Variants in SNAPC4 observed in about 807,000 individuals in gnomAD.
SNAPC4 encodes the protein small nuclear RNA activating complex polypeptide 4.
In SNAPC4, 127 loss-of-function variants were observed where a neutral mutation model predicts 151.3. The ratio of observed to expected loss-of-function variants is 0.84; its 90% CI spans 0.73 to 0.97. SNAPC4 has a LOEUF of 0.97. Ranked by LOEUF, SNAPC4 falls within the 50% of genes least tolerant of loss-of-function variation. SNAPC4 has a pLI of 0.00. For synonymous variants in SNAPC4, 1,002 were observed against 824.4 expected, an observed-to-expected ratio of 1.22 and a Z score of -3.69; for missense variants, 2,186 against 1,935.0, an observed-to-expected ratio of 1.13 and a Z score of -2.43.
chr9:136,381,137 C>T (rs560475770), intron 19 of SNAPC4, among the ~76,000 whole-genome samples, 185 bp downstream of exon 19: 1 of 152,334 alleles, frequency 6.6e-6, no homozygotes, highest in South Asian at 2.1e-4. Context: ...GGGGGCAGTG[C>T]ACACTGTAGC....
At position 136,383,131 on chromosome 9, in the gene SNAPC4, G is replaced by A; in HGVS notation, c.1983+55C>T. Reference sequence around the variant, plus strand: ...TGCACTATCCCCAAGCGTCAGCCCTGGCGAGCGAGTGCCGAAAGTGCACTT... The same window carrying A: ...TGCACTATCCCCAAGCGTCAGCCCTAGCGAGCGAGTGCCGAAAGTGCACTT... On this transcript the variant is annotated intron_variant, in intron 16 of 23. Transcript: ENST00000684778. This position sits in a 1 kb window ranked among gnomAD's most constrained non-coding sequence, Gnocchi z 4.2. The A allele has an allele frequency of 6.6e-7, 1 of 1,505,022 alleles. No individual in the cohort carries two copies. Among genetic ancestry groups the A allele is most frequent in the Non-Finnish European group, 8.9e-7 (1 of 1,129,586 alleles). 93.2% of individuals were successfully genotyped at this position (1,505,022 alleles called of 1,614,324 possible). A position where few individuals can be genotyped will look rare whatever the true frequency, so the allele number is the denominator to read the frequency against.
At chr9:136,393,500 A>G (rs1834153156) in intron 7 of SNAPC4, among the ~76,000 whole-genome samples, 1 of 152,178 alleles carries the variant, frequency 6.6e-6, no homozygotes, top group Non-Finnish European at 1.5e-5. Flanking sequence ...GCCTTCTATC[A>G]AGTGCGGACA....
At chr9:136,398,533 C>T (rs1834351813) in intron 1 of SNAPC4, 96 bp from the exon 2 acceptor site, 2 of 1,446,564 alleles carry the variant, frequency 1.4e-6, no homozygotes, top group African/African-American at 1.4e-5. Flanking sequence ...ATGGCAGGAG[C>T]CTGCTCGGCA....
chr9:136,379,326 A>G (rs1450259150), intron 21 of SNAPC4, 27 bp from the exon 22 acceptor site: 13 of 1,611,508 alleles, frequency 8.1e-6, no homozygotes, highest in Non-Finnish European at 1.1e-5. Context: ...CCCACACTTG[A>G]TAAGCCCCAG....
chr9:136,378,136 G>A lies in SNAPC4; in HGVS notation c.3691C>T (p.Pro1231Ser). ...TTCTCCAGGCCCAGAGGCCCCCTGG[G>A]CTCCTGTGTCCCTGAGGGGGACCCC... ...TPGSPSGTQE[P>S]RGPLGLEKLP... The change falls in exon 22 of 24, where the codon CCC (proline) becomes TCC (serine). Residue 1231 changes from proline to serine, a missense_variant. Transcript: ENST00000684778. 1.9e-6 allele frequency: 3 copies of A among 1,607,484 alleles called. No individual in the cohort carries two copies. Among genetic ancestry groups the A allele is most frequent in the Non-Finnish European group, 2.5e-6 (3 of 1,178,096 alleles).
intron 10 of SNAPC4, 120 bp from the exon 11 acceptor site, chr9:136,388,711 C>T: frequency 9.0e-7 from 1 of 1,108,892 alleles, no homozygotes; most frequent in South Asian, 1.4e-5. Context: ...CTTCTGCAGA[C>T]CCCAGCTCTC....
At chr9:136,384,841 C>T (rs374591831) in intron 13 of SNAPC4, 27 bp from the exon 14 acceptor site, 69 of 1,369,576 alleles carry the variant, frequency 5.0e-5, no homozygotes, top group African/African-American at 2.3e-4. Context: ...AAGCAAAGAA[C>T]GTTTTAGATG....
rs564004771 is a variant in SNAPC4, at chr9:136,376,480, C to A, written c.4286G>T (p.Gly1429Val). Residue 1429 changes from glycine to valine, a missense_variant and splice_region_variant, in exon 23 of 24, where the codon GGA becomes GTA. Physicochemically the swap from Gly to Val is moderately radical, Grantham distance 109. Transcript: ENST00000684778. The stretch of plus-strand genomic sequence containing the variant: ...AGAGCATTTACCAGAGTCTGGGGCT[C>A]CCTGAAAGAAAATCCAGGCAGTGGG... ...GCTTATCPIQ[G>V]APDSGKCSAS... The A allele has an allele frequency of 9.3e-6, 15 of 1,613,044 alleles. No homozygotes were observed. In the South Asian group the frequency reaches 1.3e-4, roughly 14 times the overall value.
intron 11 of SNAPC4, 127 bp from the exon 12 acceptor site, chr9:136,387,975 G>A (rs578050291): frequency 3.0e-6 from 2 of 657,894 alleles, no homozygotes. Context: ...ACATAGAAAA[G>A]AATCACTTTG....
At chr9:136,390,812 AG>A (rs1834045305) in intron 10 of SNAPC4, among the ~76,000 whole-genome samples, 1 of 152,034 alleles carries the variant, frequency 6.6e-6, no homozygotes, top group African/African-American at 2.4e-5. Context: ...TATACATAGA[AG>A]AAAAACCGAT....
rs749148967 is a variant in SNAPC4, at chr9:136,378,175, G to A, written c.3652C>T (p.Pro1218Ser). The A allele has an allele frequency of 6.2e-7, 1 of 1,611,792 alleles. No individual in the cohort carries two copies. Among genetic ancestry groups the A allele is most frequent in the African/African-American group, 1.3e-5 (1 of 75,052 alleles). Residue 1218 changes from proline to serine, a missense_variant, in exon 22 of 24, where the codon CCA (proline) becomes TCA (serine). Pro to Ser is a moderately conservative substitution (Grantham distance 74). Transcript: ENST00000684778. The stretch of plus-strand genomic sequence containing the variant: ...GAGGGGGACCCCGGCGTCCCCCTTG[G>A]CTCAGTTGCTGGGATGACACCACCG... ...AFGGVIPATE[P>S]RGTPGSPSGT...
Position 136,378,676 on chromosome 9 carries a change from TGGGGCTG to T in SNAPC4, c.3144_3150del (p.Ser1049ProfsTer10), listed in dbSNP as rs1212946877. On this transcript the variant is annotated frameshift_variant, in exon 22 of 24. Coordinates refer to ENST00000684778, the MANE Select transcript of SNAPC4 (RefSeq NM_003086.4). LOFTEE classifies it high-confidence loss of function. Reference sequence around the variant, plus strand: ...CTGAGGGGCTGGACGGGCAGTGGGGTGGGGCTGGGGGCTGCGGGGAGAAAGGGTGGCG... The same window carrying T: ...CTGAGGGGCTGGACGGGCAGTGGGGTGGGGCTGCGGGGAGAAAGGGTGGCG... The T allele has an allele frequency of 1.4e-6, 2 of 1,393,924 alleles. No homozygotes were observed. The highest frequency in any genetic ancestry group is 1.7e-5 in the African/African-American group (1 of 58,802). 86.3% of individuals were successfully genotyped at this position (1,393,924 alleles called of 1,614,324 possible). A position where few individuals can be genotyped will look rare whatever the true frequency, so the allele number is the denominator to read the frequency against.
At chr9:136,376,612 G>C in intron 22 of SNAPC4, 131 bp from the exon 23 acceptor site, 4 of 1,079,606 alleles carry the variant, frequency 3.7e-6, no homozygotes, top group Non-Finnish European at 5.5e-6. Context: ...CAGCTCAGGC[G>C]GGAGCTGCTC....
In SNAPC4 at chr9:136,378,382, T is replaced by C; in HGVS notation, c.3445A>G (p.Arg1149Gly). 1 of 1,611,042 alleles carries C rather than the reference T, an allele frequency of 6.2e-7. No homozygotes were observed. The highest frequency in any genetic ancestry group is 8.5e-7 in the Non-Finnish European group (1 of 1,179,542). The change falls in exon 22 of 24, where the codon AGG becomes GGG. Residue 1149 changes from arginine to glycine, a missense_variant. Arg to Gly is a moderately radical substitution (Grantham distance 125). Transcript: ENST00000684778. ...NMNREPEPSC[R>G]TDTPAPPTHA... is the part of the protein sequence containing the mutation. ...GTGGGAGGAGCTGGGGTGTCTGTCC[T>C]GCAGGAAGGCTCCGGTTCCCTGTTC...
In SNAPC4 at chr9:136,376,364, G is replaced by GCCGC; in HGVS notation, c.4398_4401dup (p.Leu1468AlafsTer42). ...CAGGACTCACCTGCTGCTCACACCA[G>GCCGC]CCGCCTCCGCTTCCGGGTGTGCCTG... On this transcript the variant is annotated frameshift_variant, in exon 23 of 24. Coordinates refer to ENST00000684778, the MANE Select transcript of SNAPC4 (RefSeq NM_003086.4). LOFTEE classifies it high-confidence loss of function. The GCCGC allele has an allele frequency of 1.2e-6, 2 of 1,613,126 alleles. No homozygotes were observed. The highest frequency in any genetic ancestry group is 1.7e-6 in the Non-Finnish European group (2 of 1,179,922).
chr9:136,395,266 T>C, intron 5 of SNAPC4, 32 bp downstream of exon 5: 1 of 1,606,918 alleles, frequency 6.2e-7, no homozygotes, highest in Non-Finnish European at 8.5e-7. Flanking sequence ...GTGCAGAGCC[T>C]TGCCGACAAG....
intron 12 of SNAPC4, 45 bp downstream of exon 12, chr9:136,387,697 G>T: frequency 1.4e-6 from 2 of 1,427,430 alleles, no homozygotes; most frequent in East Asian, 2.3e-5. Context: ...ACACAGCCGC[G>T]TTACCTTCCC....
intron 10 of SNAPC4, among the ~76,000 whole-genome samples, chr9:136,389,136 C>T (rs991134910): frequency 2.0e-5 from 3 of 152,138 alleles, no homozygotes; most frequent in Non-Finnish European, 2.9e-5. Context: ...CTGTGTGGCT[C>T]GGCTCAGCAA....
At chr9:136,387,944 C>T (rs1833946002) in intron 11 of SNAPC4, 96 bp from the exon 12 acceptor site, 1 of 757,364 alleles carries the variant, frequency 1.3e-6, no homozygotes. Flanking sequence ...GGGGCCGAGA[C>T]ACCCACCCTC....
Sources: allele counts gnomAD v4.1 joint callset (sites outside exome capture counted in the v4.1 genomes callset), GRCh38; gene constraint gnomAD v4.1.1; non-coding constraint Gnocchi (gnomAD v3.1); transcripts MANE v1.5; gene names NCBI Gene and HGNC (gene_info 2026-07-23, HGNC 2026-07-21).